VAV2: variants seen among roughly 807,000 people sequenced by gnomAD.
The protein encoded by VAV2 is guanine nucleotide exchange factor VAV2.
In VAV2, 67 loss-of-function variants were observed where a neutral mutation model predicts 132.5. The ratio of observed to expected loss-of-function variants is 0.51; its 90% CI spans 0.42 to 0.62. The LOEUF is 0.62. Ranked by LOEUF, VAV2 falls within the 20% of genes least tolerant of loss-of-function variation. The probability of loss-of-function intolerance (pLI) is 0.00; values close to 1 mark genes in which losing one functional copy is unlikely to be tolerated. For missense variants in VAV2, 938 were observed against 1,153.6 expected, an observed-to-expected ratio of 0.81 and a Z score of 2.71; for synonymous variants, 492 against 443.5, an observed-to-expected ratio of 1.11 and a Z score of -1.37.
chr9:133,975,618 A>C (rs1048928697), intron 1 of VAV2, among the ~76,000 whole-genome samples: 1 of 152,180 alleles, frequency 6.6e-6, no homozygotes, highest in Non-Finnish European at 1.5e-5. Flanking sequence ...AAAGGACACA[A>C]AGTCTAGCTC....
intron 21 of VAV2, 43 bp from the exon 22 acceptor site, chr9:133,778,932 C>T: frequency 6.2e-7 from 1 of 1,600,026 alleles, no homozygotes; most frequent in South Asian, 1.1e-5. Context: ...CAGCAGCTCA[C>T]TCGGTGACTG....
intron 2 of VAV2, among the ~76,000 whole-genome samples, chr9:133,862,175 T>C (rs1214106244): frequency 9.9e-5 from 15 of 152,222 alleles, no homozygotes; most frequent in Non-Finnish European, 1.3e-4. Context: ...GTGGGCCTCC[T>C]CTGGATAGGC....
intron 3 of VAV2, among the ~76,000 whole-genome samples, chr9:133,836,355 C>T (rs142206832): frequency 0.01 from 1,534 of 152,326 alleles, 23 homozygotes; most frequent in African/African-American, 0.035. Context: ...GGGCTGTCCC[C>T]GCTCCCGCAC....
chr9:133,888,363 C>A (rs1838796627), intron 2 of VAV2, among the ~76,000 whole-genome samples: 1 of 142,836 alleles, frequency 7.0e-6, no homozygotes, highest in South Asian at 2.4e-4. Flanking sequence ...ATGCTATGTT[C>A]TGTGTATTTT....
At chr9:133,895,465 C>G (rs544232441) in intron 2 of VAV2, among the ~76,000 whole-genome samples, 23 of 152,354 alleles carry the variant, frequency 1.5e-4, no homozygotes, top group African/African-American at 5.5e-4. Context: ...TGCGGTGGAG[C>G]CACTATGGAC....
chr9:133,915,616 C>T (rs1202061822), intron 2 of VAV2, among the ~76,000 whole-genome samples: 2 of 152,224 alleles, frequency 1.3e-5, no homozygotes, highest in African/African-American at 4.8e-5. Context: ...ACAATGCACA[C>T]ATAATGCACA....
chr9:133,973,097 G>A (rs915290622), intron 1 of VAV2, among the ~76,000 whole-genome samples: 2 of 151,980 alleles, frequency 1.3e-5, no homozygotes, highest in Admixed American at 6.5e-5. Flanking sequence ...TTGGTACCAA[G>A]GCAGCGGGCA....
At chr9:133,901,710 T>G (rs2519788) in intron 2 of VAV2, among the ~76,000 whole-genome samples, 114,685 of 152,194 alleles carry the variant, frequency 0.75, 43,456 homozygotes, top group East Asian at 0.93. Context: ...GCTGGGCCCA[T>G]CCCTCCTGGG....
intron 1 of VAV2, among the ~76,000 whole-genome samples, chr9:133,964,070 A>C (rs10993879): frequency 4.4e-4 from 39 of 89,354 alleles, no homozygotes; most frequent in African/African-American, 1.4e-3. Context: ...CATATATATA[A>C]ATGAATAGGC....
rs986280787 is a variant in VAV2 at position 133,857,075 on chromosome 9, G to A, written c.380+4299C>T. On this transcript the variant is annotated intron_variant, in intron 3 of 29. Transcript: ENST00000371850. The surrounding 1 kb of genome is among the most constrained non-coding windows in gnomAD (Gnocchi z 4.0). ...CCTGCCCAAGGTCATTTGGCTGACA[G>A]AAGCTTCCTTCATGGGACCTGACCT... Among the ~76,000 whole-genome samples the A allele has an allele frequency of 6.6e-6, 1 of 152,188 alleles. No individual in the cohort carries two copies. The highest frequency in any genetic ancestry group is 2.4e-5 in the African/African-American group (1 of 41,448).
rs1475478731 is a variant in VAV2, at chr9:133,788,291, C to T, written c.1407+63G>A. The T allele has an allele frequency of 2.5e-6, 4 of 1,571,636 alleles. No individual in the cohort carries two copies. Among genetic ancestry groups the T allele is most frequent in the Non-Finnish European group, 3.5e-6 (4 of 1,147,668 alleles). Reference sequence around the variant, plus strand: ...TCCCCTTCCCCTGGGGTCTGGAACCCAGTGCCTCTCTCCAGGCCACCCCCA... The same window carrying T: ...TCCCCTTCCCCTGGGGTCTGGAACCTAGTGCCTCTCTCCAGGCCACCCCCA... On this transcript the variant is annotated intron_variant, in intron 15 of 29. Coordinates refer to ENST00000371850, the MANE Select transcript of VAV2 (RefSeq NM_001134398.2). The surrounding 1 kb of genome is among the most constrained non-coding windows in gnomAD (Gnocchi z 5.3).
intron 1 of VAV2, among the ~76,000 whole-genome samples, chr9:133,954,469 A>C (rs942790461): frequency 6.6e-6 from 1 of 152,284 alleles, no homozygotes; most frequent in Non-Finnish European, 1.5e-5. Context: ...TCAGTGCCGC[A>C]GCAGCACATC....
intron 3 of VAV2, among the ~76,000 whole-genome samples, chr9:133,835,607 G>A (rs1295399452): frequency 2.0e-5 from 3 of 152,230 alleles, no homozygotes; most frequent in Non-Finnish European, 4.4e-5. Context: ...GATGGGACGG[G>A]AGATCCCAGC....
rs1588169481 is a variant in VAV2, at chr9:133,784,429, G to A, written c.1533-11C>T. On this transcript the variant is annotated splice_polypyrimidine_tract_variant and intron_variant, in intron 17 of 29. Coordinates refer to ENST00000371850, the MANE Select transcript of VAV2 (RefSeq NM_001134398.2). ...GGCTTGATGTTTGACCTGGCAGGAG[G>A]GAAAGAGAGCAGATGCTACACCCAC... 1.9e-6 allele frequency: 3 copies of A among 1,613,984 alleles called. No individual in the cohort carries two copies. Among genetic ancestry groups the A allele is most frequent in the Non-Finnish European group, 2.5e-6 (3 of 1,179,822 alleles).
intron 1 of VAV2, among the ~76,000 whole-genome samples, chr9:133,962,738 C>T (rs915017787): frequency 1.3e-5 from 2 of 152,212 alleles, no homozygotes; most frequent in South Asian, 2.1e-4. Context: ...TGAGCTCTAC[C>T]GAGTGCATTA....
At position 133,768,679 on chromosome 9, in the gene VAV2, C is replaced by CT; in HGVS notation, c.2435-84dup. The stretch of plus-strand genomic sequence containing the variant: ...AGGAGGCCCTTGGGCCAAGCTGGGT[C>CT]TCTCCCCTGGTGCCCAGAACCCTGC... On this transcript the variant is annotated intron_variant, in intron 28 of 29. Coordinates refer to ENST00000371850, the MANE Select transcript of VAV2 (RefSeq NM_001134398.2). The surrounding 1 kb of genome is among the most constrained non-coding windows in gnomAD (Gnocchi z 5.3). 1 of 1,515,376 alleles carries CT rather than the reference C, an allele frequency of 6.6e-7. No individual in the cohort carries two copies. The highest frequency in any genetic ancestry group is 8.8e-7 in the Non-Finnish European group (1 of 1,130,372). The allele number at this position is 1,515,376 out of a possible 1,614,324, so 93.9% of individuals were successfully genotyped here.
chr9:133,810,176 T>C lies in VAV2; in HGVS notation c.567+15A>G, dbSNP rs1156604949. On this transcript the variant is annotated intron_variant, in intron 6 of 29. Transcript: ENST00000371850. ...CAGGCAGGACGTCCCCAGCCTCCCC[T>C]TCCGGGCCACTCACCTGCATGTATC... 6.2e-7 allele frequency: 1 copy of C among 1,613,138 alleles called. No individual in the cohort carries two copies. Among genetic ancestry groups the C allele is most frequent in the East Asian group, 2.2e-5 (1 of 44,878 alleles).
intron 4 of VAV2, among the ~76,000 whole-genome samples, chr9:133,814,752 C>T (rs1835492415): frequency 1.3e-5 from 2 of 152,200 alleles, no homozygotes; most frequent in South Asian, 4.1e-4. Context: ...TAAAGGCCCC[C>T]ATGCCGCCCC....
intron 2 of VAV2, among the ~76,000 whole-genome samples, chr9:133,927,068 G>A (rs1564471696): frequency 6.6e-6 from 1 of 151,652 alleles, no homozygotes; most frequent in Non-Finnish European, 1.5e-5. Context: ...CTCAGGCTGA[G>A]TCCCCCCCTA....
Sources: gnomAD v4.1 joint callset for allele counts (sites outside exome capture counted in the v4.1 genomes callset) on GRCh38, gnomAD v4.1.1 for gene constraint, Gnocchi (gnomAD v3.1) non-coding constraint, MANE v1.5 for transcripts, NCBI Gene and HGNC (gene_info 2026-07-23, HGNC 2026-07-21) for gene names.